CA10: variants seen among roughly 807,000 people sequenced by gnomAD.
CA10 encodes carbonic anhydrase-related protein 10.
In CA10, 14 loss-of-function variants were observed where a neutral mutation model predicts 44.2. The observed-to-expected ratio is 0.32, with a 90% CI of 0.21 to 0.50. The LOEUF (loss-of-function observed/expected upper bound fraction) is 0.50. Among genes scored for constraint, CA10 ranks in the 20% least tolerant of loss-of-function variants. The probability of loss-of-function intolerance (pLI) is 0.99; values close to 1 mark genes in which losing one functional copy is unlikely to be tolerated. For missense variants in CA10, 350 were observed against 409.7 expected (o/e 0.85, Z 1.26); for synonymous variants, 159 against 141.6 (o/e 1.12, Z -0.87).
intron 3 of CA10, among the ~76,000 whole-genome samples, chr17:51,851,078 A>G (rs778536478): frequency 6.6e-6 from 1 of 152,234 alleles, no homozygotes; most frequent in Non-Finnish European, 1.5e-5. Flanking sequence ...GCTGCCTAGC[A>G]TGGAGTCTAG....
At chr17:52,028,492 C>A (rs1024368021) in intron 2 of CA10, among the ~76,000 whole-genome samples, 1 of 152,058 alleles carries the variant, frequency 6.6e-6, no homozygotes, top group African/African-American at 2.4e-5. Flanking sequence ...TACTGAAAAC[C>A]TTTTAAAGGT....
intron 3 of CA10, among the ~76,000 whole-genome samples, chr17:51,791,705 A>T (rs1906523665): frequency 6.6e-6 from 1 of 152,140 alleles, no homozygotes; most frequent in South Asian, 2.1e-4. Context: ...GACACAAATG[A>T]ATTTCTCATG....
chr17:51,794,575 C>T (rs374336649), intron 3 of CA10, among the ~76,000 whole-genome samples: 21 of 152,294 alleles, frequency 1.4e-4, no homozygotes, highest in African/African-American at 4.6e-4. Context: ...ACACCAAAGA[C>T]ATAAAACCAT....
At chr17:51,901,954 T>C (rs1423322901) in intron 3 of CA10, among the ~76,000 whole-genome samples, 2 of 152,138 alleles carry the variant, frequency 1.3e-5, no homozygotes, top group Non-Finnish European at 2.9e-5. Flanking sequence ...TTTTATCTTT[T>C]ATAAGGGAAA....
At chr17:51,659,553 G>T (rs528601820) in intron 4 of CA10, among the ~76,000 whole-genome samples, 1 of 152,200 alleles carries the variant, frequency 6.6e-6, no homozygotes, top group Non-Finnish European at 1.5e-5. Flanking sequence ...GATGGGTACC[G>T]GGTGATCAGA....
intron 3 of CA10, among the ~76,000 whole-genome samples, chr17:51,826,354 G>A (rs1484798875): frequency 1.3e-5 from 2 of 152,184 alleles, no homozygotes; most frequent in Non-Finnish European, 1.5e-5. Flanking sequence ...AGGTTCCAAC[G>A]TGACCTTTCC....
At chr17:51,981,922 A>T (rs116624669) in intron 2 of CA10, among the ~76,000 whole-genome samples, 365 of 152,166 alleles carry the variant, frequency 2.4e-3, no homozygotes, top group African/African-American at 8.3e-3. Flanking sequence ...AATTTATTTA[A>T]TATATTTTTC....
intron 3 of CA10, among the ~76,000 whole-genome samples, chr17:51,776,625 A>G (rs1905830523): frequency 6.6e-6 from 1 of 152,234 alleles, no homozygotes; most frequent in Admixed American, 6.5e-5. Context: ...TTTAAATTTC[A>G]TAAAACTTGT....
At chr17:51,665,969 G>A (rs1266966295) in intron 4 of CA10, among the ~76,000 whole-genome samples, 1 of 152,238 alleles carries the variant, frequency 6.6e-6, no homozygotes, top group African/African-American at 2.4e-5. Flanking sequence ...CTAGGCAAAG[G>A]CCATGGCCAA....
At chr17:51,993,449 T>C (rs1308889573) in intron 2 of CA10, among the ~76,000 whole-genome samples, 6 of 152,076 alleles carry the variant, frequency 3.9e-5, no homozygotes, top group Non-Finnish European at 8.8e-5. Context: ...TGGAACCAAC[T>C]ATCCTTCAGC....
chr17:52,020,314 TG>T lies in CA10; in HGVS notation c.136+52004del, dbSNP rs773867089. Among the ~76,000 whole-genome samples, 3 of 151,848 alleles carry T rather than the reference TG, an allele frequency of 2.0e-5. No individual in the cohort carries two copies. The South Asian group carries it at 6.2e-4, about 32-fold the overall frequency. On this transcript the variant is annotated intron_variant, in intron 2 of 8. Transcript: ENST00000451037. ...CTCTCCATATTTTATATCATTGTTT[TG>T]GGGGGGTGGTATTTTAATTCTGCAT...
chr17:51,903,681 C>A (rs1246974610), intron 3 of CA10, among the ~76,000 whole-genome samples: 1 of 152,164 alleles, frequency 6.6e-6, no homozygotes, highest in Non-Finnish European at 1.5e-5. Flanking sequence ...GCTGTAGCCA[C>A]CTCACAGAAT....
At position 52,158,006 on chromosome 17, in the gene CA10, A is replaced by T. The variant is rs1334108502; in HGVS notation, c.-220T>A. 3.3e-6 allele frequency: 2 copies of T among 599,678 alleles called. No homozygotes were observed. Among genetic ancestry groups the T allele is most frequent in the Non-Finnish European group, 3.0e-6 (1 of 333,124 alleles). 37.1% of individuals were successfully genotyped at this position (599,678 alleles called of 1,614,324 possible). A position where few individuals can be genotyped will look rare whatever the true frequency, so the allele number is the denominator to read the frequency against. On this transcript the variant is annotated 5_prime_UTR_variant, in exon 1 of 9. Coordinates refer to ENST00000451037, the MANE Select transcript of CA10 (RefSeq NM_020178.5). ...CTCGGGCTCGACGGATGTGCGCCCC[A>T]GATGTGCTGACACATGTCCGATGCC...
At chr17:52,112,453 G>T (rs1290351350) in intron 1 of CA10, among the ~76,000 whole-genome samples, 1 of 152,136 alleles carries the variant, frequency 6.6e-6, no homozygotes, top group Non-Finnish European at 1.5e-5. Flanking sequence ...GAGCTGAATA[G>T]GTGGGAAAAA....
At chr17:51,967,477 G>A (rs1221595378) in intron 2 of CA10, among the ~76,000 whole-genome samples, 1 of 151,690 alleles carries the variant, frequency 6.6e-6, no homozygotes, top group Non-Finnish European at 1.5e-5. Context: ...AGAAAATGTG[G>A]TACATCTATA....
chr17:51,656,965 G>A (rs1913817922), intron 4 of CA10, among the ~76,000 whole-genome samples: 1 of 152,220 alleles, frequency 6.6e-6, no homozygotes, highest in Non-Finnish European at 1.5e-5. Flanking sequence ...CCCCTGGAAT[G>A]TCAGCAATAG....
intron 4 of CA10, among the ~76,000 whole-genome samples, chr17:51,701,475 CATTT>C (rs1915601025): frequency 6.7e-6 from 1 of 149,074 alleles, no homozygotes; most frequent in East Asian, 1.9e-4. Flanking sequence ...ATAACACTCT[CATTT>C]ATTTATTTAT....
chr17:51,837,045 G>T (rs1008265179), intron 3 of CA10, among the ~76,000 whole-genome samples: 11 of 151,312 alleles, frequency 7.3e-5, no homozygotes, highest in Admixed American at 1.3e-4. Flanking sequence ...AATGCCATAA[G>T]AAACAATATG....
intron 2 of CA10, among the ~76,000 whole-genome samples, chr17:52,058,344 A>T (rs1987286577): frequency 6.6e-6 from 1 of 152,132 alleles, no homozygotes; most frequent in South Asian, 2.1e-4. Context: ...TCTAATACAA[A>T]ATTTTATTTT....
Sources: allele counts gnomAD v4.1 joint callset (sites outside exome capture counted in the v4.1 genomes callset), GRCh38; gene constraint gnomAD v4.1.1; transcripts MANE v1.5; gene names NCBI Gene and HGNC (gene_info 2026-07-23, HGNC 2026-07-21).